Variants in ITPR3 observed in about 807,000 individuals in gnomAD.
The protein encoded by ITPR3 is inositol 1,4,5-trisphosphate receptor type 3.
A neutral mutation model predicts 293.2 loss-of-function variants in ITPR3; 173 were observed. That is an observed-to-expected ratio of 0.59 (90% CI 0.52 to 0.67). The LOEUF (loss-of-function observed/expected upper bound fraction) is 0.67, where lower values mean the gene tolerates loss of function less well. Ranked by LOEUF, ITPR3 falls within the 30% of genes least tolerant of loss-of-function variation. ITPR3 has a pLI of 0.00. For missense variants in ITPR3, 2,796 were observed against 3,592.1 expected (o/e 0.78, Z 5.66); for synonymous variants, 1,295 against 1,444.4 (o/e 0.90, Z 2.35).
Position 33,671,266 on chromosome 6 carries a change from G to C in ITPR3, c.2688G>C (p.Gln896His). ...RTLLGIIDCV[Q>H]GPPAMLQAYE... Reference sequence around the variant, plus strand: ...TGCTGGGCATCATCGACTGTGTGCAGGGGCCCCCGGCCATGCTGCAGGCCT... The same window carrying C: ...TGCTGGGCATCATCGACTGTGTGCACGGGCCCCCGGCCATGCTGCAGGCCT... The change falls in exon 21 of 58, where the codon CAG becomes CAC. Residue 896 changes from glutamine (Q) to histidine (H), a missense_variant. This residue lies in a region of ITPR3 where 955 missense variants were observed against 1,180.8 expected (regional missense o/e 0.81). Transcript: ENST00000605930. 1 of 1,613,582 alleles carries C rather than the reference G, an allele frequency of 6.2e-7. No individual in the cohort carries two copies. The highest frequency in any genetic ancestry group is 1.1e-5 in the South Asian group (1 of 91,084).
At position 33,629,772 on chromosome 6, in the gene ITPR3, G is replaced by A. The variant is rs571945447; in HGVS notation, c.89+8081G>A. ...TGGGATTACAGGCGTGAGCCACCACGCCGGGCCTGACCATTGGTTTCTTTA... is the reference window on the plus strand; with the variant it reads ...TGGGATTACAGGCGTGAGCCACCACACCGGGCCTGACCATTGGTTTCTTTA... On this transcript the variant is annotated intron_variant, in intron 1 of 57. Transcript: ENST00000605930. Among the ~76,000 whole-genome samples the A allele has an allele frequency of 2.7e-3, 390 of 146,990 alleles. 4 individuals carry two copies. The highest frequency in any genetic ancestry group is 8.9e-3 in the African/African-American group (359 of 40,534).
chr6:33,656,538 T>C (rs1764310166), intron 3 of ITPR3, among the ~76,000 whole-genome samples: 1 of 152,182 alleles, frequency 6.6e-6, no homozygotes, highest in Non-Finnish European at 1.5e-5. Flanking sequence ...CCTGTAAGTC[T>C]GCAGTAGAGC....
At chr6:33,674,062 C>A in intron 23 of ITPR3, 146 bp from the exon 24 acceptor site, 1 of 993,480 alleles carries the variant, frequency 1.0e-6, no homozygotes, top group South Asian at 1.4e-5. Flanking sequence ...GGCTCCTCCC[C>A]TACTTGGTTC....
Position 33,669,006 on chromosome 6 carries a change from ACGAGTACCTGAGCAT to A in ITPR3, c.2047_2061del (p.Leu683_Tyr687del). 1 of 1,614,028 alleles carries A rather than the reference ACGAGTACCTGAGCAT, an allele frequency of 6.2e-7. No individual in the cohort carries two copies. The highest frequency in any genetic ancestry group is 8.5e-7 in the Non-Finnish European group (1 of 1,180,016). ...CCCGTGAAGGAGATGGCCCAATCCC[ACGAGTACCTGAGCAT>A]CGAGTACTCAGAAGAGGAAGTGTGG... On this transcript the variant is annotated inframe_deletion, in exon 18 of 58. Transcript: ENST00000605930.
chr6:33,638,109 G>A lies in ITPR3; in HGVS notation c.90-2375G>A, dbSNP rs772209730. 7.2e-5 allele frequency among the ~76,000 whole-genome samples: 11 copies of A among 152,242 alleles called. No homozygotes were observed. Among genetic ancestry groups the A allele is most frequent in the Admixed American group, 2.0e-4 (3 of 15,274 alleles). ...CAACCTCTGCCTCCTGGGTTCAAGC[G>A]ATTCTTCTGCCTCAGCTTCCTGTGT... On this transcript the variant is annotated intron_variant, in intron 1 of 57. Coordinates refer to ENST00000605930, the MANE Select transcript of ITPR3 (RefSeq NM_002224.4). The surrounding 1 kb of genome is among the most constrained non-coding windows in gnomAD (Gnocchi z 4.3).
chr6:33,687,573 T>C lies in ITPR3; in HGVS notation c.6264+9T>C, dbSNP rs1765268324. 7.6e-7 allele frequency: 1 copy of C among 1,311,080 alleles called. No homozygotes were observed. The highest frequency in any genetic ancestry group is 1.4e-5 in the African/African-American group (1 of 71,510). 81.2% of individuals were successfully genotyped at this position (1,311,080 alleles called of 1,614,324 possible). ...AGGGTATCTCTTCCATGGTGGGTGCTGGCCCCGAGACTGGGGTGGGGGTGG... is the reference window on the plus strand; with the variant it reads ...AGGGTATCTCTTCCATGGTGGGTGCCGGCCCCGAGACTGGGGTGGGGGTGG... On this transcript the variant is annotated intron_variant, in intron 46 of 57. Coordinates refer to ENST00000605930, the MANE Select transcript of ITPR3 (RefSeq NM_002224.4). The surrounding 1 kb of genome is among the most constrained non-coding windows in gnomAD (Gnocchi z 5.3).
chr6:33,640,612 C>G, intron 2 of ITPR3, 58 bp downstream of exon 2: 1 of 1,380,526 alleles, frequency 7.2e-7, no homozygotes. Flanking sequence ...TCTGGACCTG[C>G]GACTGAATTT....
rs1322773906 is a variant in ITPR3 at position 33,683,424 on chromosome 6, C to T, written c.4788+27C>T. On this transcript the variant is annotated intron_variant, in intron 35 of 57. Transcript: ENST00000605930. This position sits in a 1 kb window ranked among gnomAD's most constrained non-coding sequence, Gnocchi z 4.5. ...TGGGTGTGGGGCTGCCTGGCATCTGCCTCGGGAGCTGCTTGGTTGAGTCAG... is the reference window on the plus strand; with the variant it reads ...TGGGTGTGGGGCTGCCTGGCATCTGTCTCGGGAGCTGCTTGGTTGAGTCAG... 6 of 1,480,346 alleles carry T rather than the reference C, an allele frequency of 4.1e-6. No individual in the cohort carries two copies. The highest frequency in any genetic ancestry group is 5.4e-6 in the Non-Finnish European group (6 of 1,105,234). 91.7% of individuals were successfully genotyped at this position (1,480,346 alleles called of 1,614,324 possible).
intron 57 of ITPR3, 63 bp from the exon 58 acceptor site, chr6:33,695,649 G>A: frequency 6.6e-7 from 1 of 1,517,462 alleles, no homozygotes; most frequent in Non-Finnish European, 9.1e-7. Context: ...CTCTTCCACA[G>A]CACCCATGGA....
intron 2 of ITPR3, among the ~76,000 whole-genome samples, chr6:33,652,080 C>T (rs538818903): frequency 7.9e-5 from 12 of 152,272 alleles, no homozygotes; most frequent in Admixed American, 3.3e-4. Context: ...ACCTCTCAGC[C>T]CTTCCGGTCT....
chr6:33,655,849 G>A lies in ITPR3; in HGVS notation c.244G>A (p.Glu82Lys). The change falls in exon 3 of 58, where the codon GAG becomes AAG. Residue 82 changes from glutamate (E) to lysine (K), a missense_variant. By Grantham distance (56) the Glu-to-Lys change is moderately conservative. This residue lies in a region of ITPR3 where 144 missense variants were observed against 230.8 expected (regional missense o/e 0.62). Coordinates refer to ENST00000605930, the MANE Select transcript of ITPR3 (RefSeq NM_002224.4). This position sits in a 1 kb window ranked among gnomAD's most constrained non-coding sequence, Gnocchi z 4.9. ...WKAKQTKQDK[E>K]KIADVVLLQK... is the part of the protein sequence containing the mutation. ...GGCCAAGCAGACTAAGCAGGACAAG[G>A]AGAAGATCGCTGATGTGGTGTTGCT... The A allele has an allele frequency of 5.6e-6, 9 of 1,614,110 alleles. No homozygotes were observed. The highest frequency in any genetic ancestry group is 7.6e-6 in the Non-Finnish European group (9 of 1,180,016).
At chr6:33,694,066 G>A (rs1765469808) in intron 56 of ITPR3, among the ~76,000 whole-genome samples, 1 of 152,178 alleles carries the variant, frequency 6.6e-6, no homozygotes, top group Non-Finnish European at 1.5e-5. Flanking sequence ...TGCTGAGGAG[G>A]GGTGGAGTTG....
At position 33,670,761 on chromosome 6, in the gene ITPR3, A is replaced by G. The variant is rs747752785; in HGVS notation, c.2532A>G (p.Val844=). The change falls in exon 20 of 58, where the codon GTA becomes GTG. Residue 844 remains valine (V), a synonymous_variant. Transcript: ENST00000605930. This position sits in a 1 kb window ranked among gnomAD's most constrained non-coding sequence, Gnocchi z 6.7. The part of the protein sequence containing the change: ...MEFVEDYLNN[V]VSEAVPFANE... ...TCGTGGAGGACTACCTCAACAATGT[A>G]GTCAGCGAGGCCGTGCCCTTTGCCA... is the stretch of plus-strand genomic sequence containing the variant. The G allele has an allele frequency of 6.2e-7, 1 of 1,613,964 alleles. No homozygotes were observed. Among genetic ancestry groups the G allele is most frequent in the East Asian group, 2.2e-5 (1 of 44,884 alleles).
chr6:33,663,394 G>A, intron 9 of ITPR3, 106 bp from the exon 10 acceptor site: 1 of 1,143,074 alleles, frequency 8.7e-7, no homozygotes, highest in Non-Finnish European at 1.3e-6. Flanking sequence ...GGTGCAGCCT[G>A]CCTGCCCAAA....
At chr6:33,689,114 C>T in intron 49 of ITPR3, 124 bp from the exon 50 acceptor site, 1 of 1,162,878 alleles carries the variant, frequency 8.6e-7, no homozygotes, top group Non-Finnish European at 1.2e-6. Flanking sequence ...GAGGCTAAAA[C>T]CAGGCACCAG....
intron 30 of ITPR3, 138 bp downstream of exon 30, chr6:33,678,977 C>T (rs892719013): frequency 3.4e-5 from 29 of 863,836 alleles, no homozygotes; most frequent in Admixed American, 1.1e-4. Flanking sequence ...ATGGAGGGGA[C>T]GCAGAGGGAG....
Position 33,683,507 on chromosome 6 carries a change from A to G in ITPR3, c.4788+110A>G. On this transcript the variant is annotated intron_variant, in intron 35 of 57. Coordinates refer to ENST00000605930, the MANE Select transcript of ITPR3 (RefSeq NM_002224.4). This position sits in a 1 kb window ranked among gnomAD's most constrained non-coding sequence, Gnocchi z 4.5. ...GGGAGTGTTTCTTCCTGTCCTGCCCACACTTCCAGGAAGGGGCTGGTTGGC... is the reference window on the plus strand; with the variant it reads ...GGGAGTGTTTCTTCCTGTCCTGCCCGCACTTCCAGGAAGGGGCTGGTTGGC... 2 of 946,688 alleles carry G rather than the reference A, an allele frequency of 2.1e-6. No homozygotes were observed. Among genetic ancestry groups the G allele is most frequent in the Non-Finnish European group, 3.0e-6 (2 of 659,784 alleles). The allele number at this position is 946,688 out of a possible 1,614,324, so 58.6% of individuals were successfully genotyped here.
rs181757431 is a variant in ITPR3 at position 33,643,602 on chromosome 6, A to T, written c.160+3048A>T. 2.7e-4 allele frequency among the ~76,000 whole-genome samples: 41 copies of T among 152,284 alleles called. 1 individual carries two copies. The highest frequency in any genetic ancestry group is 1.6e-3 in the Admixed American group (24 of 15,300). ...GCTGACTGGGCTGAGCCTGGGGCACATTCCCTCTCCTAGCCCTTTTTCCTT... is the reference window on the plus strand; with the variant it reads ...GCTGACTGGGCTGAGCCTGGGGCACTTTCCCTCTCCTAGCCCTTTTTCCTT... On this transcript the variant is annotated intron_variant, in intron 2 of 57. Coordinates refer to ENST00000605930, the MANE Select transcript of ITPR3 (RefSeq NM_002224.4).
In ITPR3 at chr6:33,663,452, T is replaced by C. The variant is rs1399576951; in HGVS notation, c.955-48T>C. 3 of 1,543,670 alleles carry C rather than the reference T, an allele frequency of 1.9e-6. No individual in the cohort carries two copies. The East Asian group carries it at 7.0e-5, about 36-fold the overall frequency. On this transcript the variant is annotated intron_variant, in intron 9 of 57. Coordinates refer to ENST00000605930, the MANE Select transcript of ITPR3 (RefSeq NM_002224.4). ...CATGTTTTGCAGTGGGTCGTGTGGG[T>C]ATAGTTTGGTGTCCAGTAGCTCCCC... is the stretch of plus-strand genomic sequence containing the variant.
Sources: gnomAD v4.1 joint callset for allele counts (sites outside exome capture counted in the v4.1 genomes callset) on GRCh38, gnomAD v4.1.1 for gene constraint, gnomAD v4.1.1 regional missense constraint, Gnocchi (gnomAD v3.1) non-coding constraint, MANE v1.5 for transcripts, NCBI Gene and HGNC (gene_info 2026-07-23, HGNC 2026-07-21) for gene names.